The following LRRC63 variants were observed in gnomAD, a reference collection of about 807,000 sequenced individuals.
The protein encoded by LRRC63 is leucine rich repeat containing 63, also known as leucine-rich repeat-containing protein 63.
Under a neutral mutation model 49.5 loss-of-function variants are expected in LRRC63, and 40 were observed. That is an observed-to-expected ratio of 0.81 (90% confidence interval 0.63 to 1.05). LRRC63 has a LOEUF of 1.05. LRRC63 is among the 50% of genes least tolerant of loss of function. The pLI, the probability that LRRC63 is intolerant of heterozygous loss-of-function variation, is 0.00. For synonymous variants in LRRC63, 191 were observed against 221.1 expected (o/e 0.86, Z 1.21); for missense variants, 636 against 663.1 (o/e 0.96, Z 0.45).
chr13:46,259,367 G>A (rs1232986543), intron 7 of LRRC63, among the ~76,000 whole-genome samples: 1 of 152,150 alleles, frequency 6.6e-6, no homozygotes, highest in African/African-American at 2.4e-5. Flanking sequence ...CTGAGGTTAT[G>A]CAGAAACAAC....
chr13:46,271,026 A>G (rs941750791), intron 9 of LRRC63, among the ~76,000 whole-genome samples: 1 of 152,232 alleles, frequency 6.6e-6, no homozygotes. Flanking sequence ...CTTGAATAAC[A>G]TGGGTTTAAA....
intron 7 of LRRC63, among the ~76,000 whole-genome samples, chr13:46,255,139 T>C (rs1451930303): frequency 6.6e-6 from 1 of 152,080 alleles, no homozygotes; most frequent in Non-Finnish European, 1.5e-5. Context: ...TTGAAAACAT[T>C]ATGCTAGGTG....
At chr13:46,248,147 G>A (rs189081553) in intron 6 of LRRC63, among the ~76,000 whole-genome samples, 4 of 151,976 alleles carry the variant, frequency 2.6e-5, no homozygotes, top group African/African-American at 9.6e-5. Context: ...AACATTTATT[G>A]AAGTCATAAA....
chr13:46,260,199 G>A (rs1021818080), intron 7 of LRRC63, among the ~76,000 whole-genome samples: 3 of 152,192 alleles, frequency 2.0e-5, no homozygotes, highest in African/African-American at 7.2e-5. Context: ...ACCAAACTAG[G>A]TTGCCAGAGC....
intron 6 of LRRC63, chr13:46,249,941 G>C (rs537929493): frequency 6.6e-6 from 1 of 152,504 alleles, no homozygotes; most frequent in African/African-American, 2.4e-5. Context: ...TGAAATTACT[G>C]GGATGTCAGA....
At chr13:46,272,151 T>A (rs1470527195) in intron 9 of LRRC63, among the ~76,000 whole-genome samples, 1 of 152,182 alleles carries the variant, frequency 6.6e-6, no homozygotes, top group African/African-American at 2.4e-5. Flanking sequence ...AAGAGATAAT[T>A]CCTGTCCCAG....
intron 2 of LRRC63, among the ~76,000 whole-genome samples, chr13:46,217,174 A>G (rs1388799754): frequency 1.3e-5 from 2 of 152,210 alleles, no homozygotes; most frequent in Admixed American, 1.3e-4. Context: ...GAATAGTTTC[A>G]GAAGGAATCA....
At chr13:46,212,876 G>T in intron 1 of LRRC63, 126 bp from the exon 2 acceptor site, 5 of 499,214 alleles carry the variant, frequency 1.0e-5, no homozygotes, top group East Asian at 3.1e-5. Flanking sequence ...TTTCATAAAG[G>T]AATTCTGCCT....
At chr13:46,236,130 GA>G (rs1194242029) in intron 5 of LRRC63, among the ~76,000 whole-genome samples, 6 of 150,390 alleles carry the variant, frequency 4.0e-5, no homozygotes, top group Non-Finnish European at 7.4e-5. Flanking sequence ...AGAACAGAAA[GA>G]AAAAAAATAA....
intron 6 of LRRC63, 55 bp downstream of exon 6, chr13:46,246,680 T>C: frequency 1.3e-6 from 1 of 792,464 alleles, no homozygotes. Context: ...ATAATAATTA[T>C]AATAAAAATA....
chr13:46,263,117 C>A (rs1261056646), intron 8 of LRRC63, among the ~76,000 whole-genome samples: 1 of 151,780 alleles, frequency 6.6e-6, no homozygotes, highest in African/African-American at 2.4e-5. Context: ...TTTACTTTCC[C>A]CTTTTCCTAC....
At chr13:46,230,965 G>C (rs181889160) in intron 4 of LRRC63, among the ~76,000 whole-genome samples, 1 of 152,320 alleles carries the variant, frequency 6.6e-6, no homozygotes, top group East Asian at 1.9e-4. Context: ...ATTAGGACAT[G>C]AATAGAATTT....
chr13:46,227,470 T>C (rs974882070), intron 2 of LRRC63, 42 bp from the exon 3 acceptor site: 2 of 1,254,434 alleles, frequency 1.6e-6, no homozygotes, highest in African/African-American at 1.5e-5. Context: ...TGTGACATAT[T>C]GATAAATATA....
intron 9 of LRRC63, among the ~76,000 whole-genome samples, chr13:46,273,752 A>T (rs897695140): frequency 1.5e-4 from 23 of 152,034 alleles, no homozygotes; most frequent in Admixed American, 9.8e-4. Flanking sequence ...TCTCTACTAA[A>T]ATTACAAAAG....
intron 7 of LRRC63, among the ~76,000 whole-genome samples, chr13:46,253,365 TC>T (rs778855816): frequency 5.3e-5 from 8 of 152,036 alleles, no homozygotes; most frequent in Non-Finnish European, 8.8e-5. Flanking sequence ...CATGATCTTT[TC>T]CCTTATGGGG....
intron 7 of LRRC63, among the ~76,000 whole-genome samples, chr13:46,254,853 A>G (rs1296387464): frequency 6.6e-6 from 1 of 152,152 alleles, no homozygotes; most frequent in African/African-American, 2.4e-5. Flanking sequence ...TGTAAGATGG[A>G]GAAGGTAGAT....
intron 2 of LRRC63, among the ~76,000 whole-genome samples, chr13:46,218,914 A>G (rs1160913649): frequency 6.6e-6 from 1 of 152,188 alleles, no homozygotes; most frequent in Non-Finnish European, 1.5e-5. Context: ...TTCTTTAAGA[A>G]TGCTGAATAT....
intron 7 of LRRC63, among the ~76,000 whole-genome samples, chr13:46,259,535 G>C (rs2047581326): frequency 6.6e-6 from 1 of 152,156 alleles, no homozygotes; most frequent in Admixed American, 6.5e-5. Flanking sequence ...CTTCGGGAAA[G>C]AGAAACTATT....
At chr13:46,274,155 G>T (rs1440442363) in intron 9 of LRRC63, among the ~76,000 whole-genome samples, 1 of 152,052 alleles carries the variant, frequency 6.6e-6, no homozygotes, top group African/African-American at 2.4e-5. Flanking sequence ...TTGATCCAAA[G>T]TAATAAGTAT....
Sources: allele counts gnomAD v4.1 joint callset (sites outside exome capture counted in the v4.1 genomes callset), GRCh38; gene constraint gnomAD v4.1.1; transcripts MANE v1.5; gene names NCBI Gene and HGNC (gene_info 2026-07-23, HGNC 2026-07-21).